CREB5: variants seen among roughly 807,000 people sequenced by gnomAD.
CREB5 encodes the protein cyclic AMP-responsive element-binding protein 5.
Under a neutral mutation model 57.1 loss-of-function variants are expected in CREB5, and 19 were observed. The ratio of observed to expected loss-of-function variants is 0.33; its 90% CI spans 0.23 to 0.49. The LOEUF (loss-of-function observed/expected upper bound fraction) is 0.49. Ranked by LOEUF, CREB5 falls within the 20% of genes least tolerant of loss-of-function variation. The pLI is 0.99. For synonymous variants in CREB5, 238 were observed against 238.3 expected (o/e 1.00, Z 0.01); for missense variants, 579 against 671.6 (o/e 0.86, Z 1.52).
intron 5 of CREB5, among the ~76,000 whole-genome samples, chr7:28,624,503 T>C (rs1314989907): frequency 1.3e-5 from 2 of 152,166 alleles, no homozygotes; most frequent in Non-Finnish European, 2.9e-5. Flanking sequence ...ATACCATAGG[T>C]AGCCAACATT....
At chr7:28,795,662 A>G (rs1807987716) in intron 7 of CREB5, among the ~76,000 whole-genome samples, 1 of 152,234 alleles carries the variant, frequency 6.6e-6, no homozygotes, top group South Asian at 2.1e-4. Context: ...GCCCGCTGTC[A>G]GAAGAAAAGA....
chr7:28,454,511 T>G (rs1454453275), intron 1 of CREB5, among the ~76,000 whole-genome samples: 1 of 152,170 alleles, frequency 6.6e-6, no homozygotes, highest in Non-Finnish European at 1.5e-5. Context: ...GTTTTCCTCC[T>G]CATCCATGTT....
intron 7 of CREB5, among the ~76,000 whole-genome samples, chr7:28,775,526 T>A (rs1806568997): frequency 9.7e-6 from 1 of 103,586 alleles, no homozygotes; most frequent in Non-Finnish European, 2.0e-5. Context: ...TTATGCCATA[T>A]TTATGTATTC....
At chr7:28,682,650 T>C (rs1055960070) in intron 5 of CREB5, among the ~76,000 whole-genome samples, 3 of 151,058 alleles carry the variant, frequency 2.0e-5, no homozygotes, top group African/African-American at 7.4e-5. Flanking sequence ...TGATATACTT[T>C]TCCTTGAGGA....
intron 3 of CREB5, among the ~76,000 whole-genome samples, chr7:28,496,439 T>C (rs927936231): frequency 2.0e-5 from 3 of 152,212 alleles, no homozygotes; most frequent in Non-Finnish European, 4.4e-5. Flanking sequence ...ATCACTGTTA[T>C]CAATAATCCT....
intron 7 of CREB5, among the ~76,000 whole-genome samples, chr7:28,781,201 C>T (rs567888970): frequency 6.6e-6 from 1 of 152,296 alleles, no homozygotes; most frequent in East Asian, 1.9e-4. Context: ...TTGGACAGAT[C>T]TGTGCCCTTC....
intron 3 of CREB5, among the ~76,000 whole-genome samples, chr7:28,506,295 A>G (rs148285700): frequency 5.3e-5 from 8 of 152,342 alleles, no homozygotes; most frequent in African/African-American, 1.7e-4. Flanking sequence ...ATATAATTCT[A>G]GTTTCTTATA....
At chr7:28,364,613 T>A (rs1441255718) in intron 1 of CREB5, among the ~76,000 whole-genome samples, 2 of 152,176 alleles carry the variant, frequency 1.3e-5, no homozygotes, top group Admixed American at 1.3e-4. Context: ...CCATTATGCA[T>A]GCTGGCACTC....
chr7:28,597,815 G>A (rs1796744342), intron 5 of CREB5, among the ~76,000 whole-genome samples: 1 of 152,110 alleles, frequency 6.6e-6, no homozygotes, highest in South Asian at 2.1e-4. Flanking sequence ...CCAAAGCATG[G>A]GAGAACAAAA....
At chr7:28,389,280 A>T (rs1191250774) in intron 1 of CREB5, among the ~76,000 whole-genome samples, 1 of 152,220 alleles carries the variant, frequency 6.6e-6, no homozygotes, top group Non-Finnish European at 1.5e-5. Context: ...CTGAGACTAG[A>T]GAAAACTAAT....
intron 4 of CREB5, among the ~76,000 whole-genome samples, chr7:28,516,577 C>T (rs917729489): frequency 3.3e-5 from 5 of 152,204 alleles, no homozygotes; most frequent in African/African-American, 4.8e-5. Context: ...CCCGCCCTGC[C>T]CTCCCATCAG....
At chr7:28,388,560 G>T (rs957483119) in intron 1 of CREB5, among the ~76,000 whole-genome samples, 8 of 152,154 alleles carry the variant, frequency 5.3e-5, no homozygotes, top group Admixed American at 6.5e-5. Flanking sequence ...TTAAATGGTT[G>T]TTTAGTATAT....
At chr7:28,587,847 T>A (rs1796357459) in intron 5 of CREB5, among the ~76,000 whole-genome samples, 1 of 152,178 alleles carries the variant, frequency 6.6e-6, no homozygotes, top group Non-Finnish European at 1.5e-5. Context: ...AAACATTACC[T>A]CCTTTTCAAT....
intron 7 of CREB5, among the ~76,000 whole-genome samples, chr7:28,730,855 T>C (rs1803581483): frequency 6.6e-6 from 1 of 152,222 alleles, no homozygotes; most frequent in Non-Finnish European, 1.5e-5. Flanking sequence ...ATTTTTGTCC[T>C]GTTTCTATTA....
intron 1 of CREB5, among the ~76,000 whole-genome samples, chr7:28,379,919 T>A (rs546376093): frequency 6.6e-6 from 1 of 152,214 alleles, no homozygotes; most frequent in Non-Finnish European, 1.5e-5. Context: ...GCTTTGTTTC[T>A]CGCTCTGTCA....
chr7:28,435,263 G>A (rs1355041891), intron 1 of CREB5, among the ~76,000 whole-genome samples: 1 of 152,052 alleles, frequency 6.6e-6, no homozygotes, highest in Non-Finnish European at 1.5e-5. Flanking sequence ...CTAGGAGGGG[G>A]GTGGATCGTT....
At chr7:28,585,612 C>A (rs1018142696) in intron 5 of CREB5, among the ~76,000 whole-genome samples, 2 of 152,150 alleles carry the variant, frequency 1.3e-5, no homozygotes, top group African/African-American at 4.8e-5. Context: ...TTGAAGCGTC[C>A]TCTGCCTTAT....
chr7:28,458,747 T>A (rs1583487710), intron 1 of CREB5, among the ~76,000 whole-genome samples: 2 of 152,298 alleles, frequency 1.3e-5, no homozygotes, highest in Non-Finnish European at 2.9e-5. Flanking sequence ...CAGTAAAATA[T>A]GGATGTGATA....
At chr7:28,534,592 A>G (rs1373198555) in intron 4 of CREB5, among the ~76,000 whole-genome samples, 1 of 152,158 alleles carries the variant, frequency 6.6e-6, no homozygotes, top group African/African-American at 2.4e-5. Context: ...TTCTCCAAAC[A>G]TGAGAATTTT....
Sources: allele counts gnomAD v4.1 joint callset (sites outside exome capture counted in the v4.1 genomes callset), GRCh38; gene constraint gnomAD v4.1.1; transcripts MANE v1.5; gene names NCBI Gene and HGNC (gene_info 2026-07-23, HGNC 2026-07-21).